The following PAFAH1B1 variants were observed in gnomAD, a reference collection of about 807,000 sequenced individuals.
PAFAH1B1 encodes platelet activating factor acetylhydrolase 1b regulatory subunit 1, also known as platelet-activating factor acetylhydrolase IB subunit beta.
PAFAH1B1 carries 2 observed loss-of-function variants against 57.5 expected under a neutral mutation model. The observed-to-expected ratio is 0.03, with a 90% CI of 0.01 to 0.11. The LOEUF is 0.11. PAFAH1B1 is among the 10% of genes least tolerant of loss of function. The probability of loss-of-function intolerance (pLI) is 1.00; values close to 1 mark genes in which losing one functional copy is unlikely to be tolerated. For missense variants in PAFAH1B1, 257 were observed against 512.0 expected (o/e 0.50, Z 4.81); for synonymous variants, 152 against 169.6 (o/e 0.90, Z 0.81).
intron 2 of PAFAH1B1, among the ~76,000 whole-genome samples, chr17:2,657,017 GTTCACGCCATTCTCCTGCCTCAGC>G (rs1418392235): frequency 6.6e-6 from 1 of 152,134 alleles, no homozygotes; most frequent in Non-Finnish European, 1.5e-5. Flanking sequence ...CGCCTCTCAG[GTTCACGCCATTCTCCTGCCTCAGC>G]TTCACTAGAG....
intron 1 of PAFAH1B1, among the ~76,000 whole-genome samples, chr17:2,621,046 CT>C (rs1421900852): frequency 2.6e-5 from 4 of 151,876 alleles, no homozygotes; most frequent in African/African-American, 9.7e-5. Context: ...AAGAGTATAT[CT>C]GTGATATGAA....
At chr17:2,668,997 G>A (rs1292986445) in intron 5 of PAFAH1B1, among the ~76,000 whole-genome samples, 2 of 151,982 alleles carry the variant, frequency 1.3e-5, no homozygotes, top group African/African-American at 4.8e-5. Flanking sequence ...GTGTCAAATT[G>A]TCAAGGTATT....
chr17:2,594,365 A>G (rs1156462319), intron 1 of PAFAH1B1, among the ~76,000 whole-genome samples: 1 of 152,160 alleles, frequency 6.6e-6, no homozygotes, highest in Non-Finnish European at 1.5e-5. Flanking sequence ...CAAGAAAAGT[A>G]TTCTTGGGTT....
chr17:2,643,975 C>T (rs1357042131), intron 2 of PAFAH1B1, among the ~76,000 whole-genome samples: 1 of 152,136 alleles, frequency 6.6e-6, no homozygotes, highest in Non-Finnish European at 1.5e-5. Flanking sequence ...CTCAAGAGAT[C>T]CTCCCACGTC....
intron 1 of PAFAH1B1, among the ~76,000 whole-genome samples, chr17:2,629,225 G>A (rs182593811): frequency 4.6e-5 from 7 of 152,166 alleles, no homozygotes; most frequent in Non-Finnish European, 8.8e-5. Flanking sequence ...TGATGTAGGC[G>A]TTTAGGGCTA....
intron 5 of PAFAH1B1, 85 bp downstream of exon 5, chr17:2,667,283 G>C: frequency 3.1e-6 from 3 of 966,560 alleles, no homozygotes; most frequent in Non-Finnish European, 4.9e-6. Context: ...GCAGTGAGCC[G>C]AGATTGCACC....
chr17:2,642,258 T>C (rs539775194), intron 2 of PAFAH1B1: 1 of 152,362 alleles, frequency 6.6e-6, no homozygotes, highest in South Asian at 2.1e-4. Context: ...GCAGCCCAAG[T>C]CCAGAAATCC....
intron 1 of PAFAH1B1, among the ~76,000 whole-genome samples, chr17:2,614,968 C>T (rs2068319075): frequency 6.6e-6 from 1 of 152,154 alleles, no homozygotes; most frequent in South Asian, 2.1e-4. Context: ...CCTCACATTC[C>T]TTCCCACTAT....
intron 2 of PAFAH1B1, among the ~76,000 whole-genome samples, chr17:2,654,728 G>A (rs1456753527): frequency 1.3e-5 from 2 of 151,986 alleles, no homozygotes; most frequent in East Asian, 1.9e-4. Flanking sequence ...TGCAGCCTCC[G>A]CCTCCCGGGC....
intron 2 of PAFAH1B1, among the ~76,000 whole-genome samples, chr17:2,649,540 C>T (rs1177738941): frequency 6.6e-6 from 1 of 152,148 alleles, no homozygotes; most frequent in East Asian, 1.9e-4. Context: ...CGTGCCACTG[C>T]ACTCCAGCCT....
chr17:2,600,518 C>G (rs1479533121), intron 1 of PAFAH1B1, among the ~76,000 whole-genome samples: 5 of 135,824 alleles, frequency 3.7e-5, no homozygotes, highest in Non-Finnish European at 1.5e-5. Flanking sequence ...TGCAGTGAGC[C>G]GAGATCGTGC....
At chr17:2,651,319 G>T (rs1417001460) in intron 2 of PAFAH1B1, among the ~76,000 whole-genome samples, 1 of 150,146 alleles carries the variant, frequency 6.7e-6, no homozygotes, top group African/African-American at 2.5e-5. Flanking sequence ...GCTCACGTAT[G>T]TAATCCTAGC....
At chr17:2,594,595 C>T (rs889367767) in intron 1 of PAFAH1B1, among the ~76,000 whole-genome samples, 3 of 152,194 alleles carry the variant, frequency 2.0e-5, no homozygotes, top group Admixed American at 1.3e-4. Flanking sequence ...GGTGGCCCAC[C>T]GTCTCCCTGG....
chr17:2,613,318 C>A, intron 1 of PAFAH1B1: 1 of 235,254 alleles, frequency 4.3e-6, no homozygotes. Flanking sequence ...GCCCTGGAAG[C>A]AGAGCCAAGG....
At chr17:2,621,605 GTCTTTTTT>G (rs1258110464) in intron 1 of PAFAH1B1, among the ~76,000 whole-genome samples, 2,735 of 93,186 alleles carry the variant, frequency 0.029, 510 homozygotes, top group South Asian at 0.045. Context: ...TAGATAATCT[GTCTTTTTT>G]TTTTTTTTTT....
intron 1 of PAFAH1B1, among the ~76,000 whole-genome samples, chr17:2,600,780 A>G (rs2068133976): frequency 6.6e-6 from 1 of 152,002 alleles, no homozygotes; most frequent in Non-Finnish European, 1.5e-5. Context: ...CCCAGACTGT[A>G]GTACAGTGGC....
intron 2 of PAFAH1B1, among the ~76,000 whole-genome samples, chr17:2,648,431 C>A (rs904543153): frequency 6.6e-6 from 1 of 152,076 alleles, no homozygotes; most frequent in African/African-American, 2.4e-5. Flanking sequence ...AATCCCAGCA[C>A]TTTGGGAAGC....
intron 1 of PAFAH1B1, among the ~76,000 whole-genome samples, chr17:2,603,821 G>A (rs2151610121): frequency 6.6e-6 from 1 of 150,824 alleles, no homozygotes; most frequent in Middle Eastern, 3.4e-3. Context: ...GCTTACTGCA[G>A]CCTCCACCTC....
At chr17:2,659,666 A>T (rs2068989631) in intron 2 of PAFAH1B1, among the ~76,000 whole-genome samples, 1 of 150,172 alleles carries the variant, frequency 6.7e-6, no homozygotes, top group Admixed American at 6.7e-5. Flanking sequence ...CCCCGTCTCC[A>T]CTAAAAATAT....
Sources: gnomAD v4.1 joint callset for allele counts (sites outside exome capture counted in the v4.1 genomes callset) on GRCh38, gnomAD v4.1.1 for gene constraint, MANE v1.5 for transcripts, NCBI Gene and HGNC (gene_info 2026-07-23, HGNC 2026-07-21) for gene names.